Variants in TAF4B observed in about 807,000 individuals in gnomAD.
TAF4B encodes the protein transcription initiation factor TFIID subunit 4B.
In TAF4B, 38 loss-of-function variants were observed where a neutral mutation model predicts 86.4. That is an observed-to-expected ratio of 0.44 (90% confidence interval 0.34 to 0.58). The LOEUF is 0.58. TAF4B is among the 20% of genes least tolerant of loss of function. The probability of loss-of-function intolerance (pLI) is 0.02; values close to 1 mark genes in which losing one functional copy is unlikely to be tolerated. For synonymous variants in TAF4B, 388 were observed against 391.2 expected (o/e 0.99, Z 0.10); for missense variants, 988 against 1,027.6 (o/e 0.96, Z 0.53).
At chr18:26,235,369 T>G (rs1439829142) in intron 1 of TAF4B, among the ~76,000 whole-genome samples, 1 of 152,184 alleles carries the variant, frequency 6.6e-6, no homozygotes, top group Admixed American at 6.5e-5. Flanking sequence ...TTGTATTTGT[T>G]CCTTGCTGAG....
intron 1 of TAF4B, among the ~76,000 whole-genome samples, chr18:26,244,487 G>A (rs559670713): frequency 6.6e-6 from 1 of 152,278 alleles, no homozygotes; most frequent in East Asian, 1.9e-4. Flanking sequence ...GGCTTCCCTT[G>A]GCTAGTAAAG....
At position 26,327,277 on chromosome 18, in the gene TAF4B, G is replaced by C. The variant is rs1050828118; in HGVS notation, c.2259+137G>C. On this transcript the variant is annotated intron_variant, in intron 12 of 14. Transcript: ENST00000269142. Reference sequence around the variant, plus strand: ...ATTTCCTAAAACGAAATTACTAATAGGATGTCTCACAGCCAGGATGGTGTG... The same window carrying C: ...ATTTCCTAAAACGAAATTACTAATACGATGTCTCACAGCCAGGATGGTGTG... 32 of 1,065,928 alleles carry C rather than the reference G, an allele frequency of 3.0e-5. No homozygotes were observed. In the Admixed American group the frequency reaches 6.9e-4, roughly 23 times the overall value. The allele number at this position is 1,065,928 out of a possible 1,614,324, so 66.0% of individuals were successfully genotyped here. A position where few individuals can be genotyped will look rare whatever the true frequency, so the allele number is the denominator to read the frequency against.
At chr18:26,315,796 T>A (rs2056905115) in intron 10 of TAF4B, among the ~76,000 whole-genome samples, 1 of 152,212 alleles carries the variant, frequency 6.6e-6, no homozygotes, top group South Asian at 2.1e-4. Context: ...CCCTTTCCCT[T>A]TTCTTAACCT....
chr18:26,239,251 G>A (rs1386292733), intron 1 of TAF4B, among the ~76,000 whole-genome samples: 8 of 152,134 alleles, frequency 5.3e-5, no homozygotes, highest in African/African-American at 1.9e-4. Flanking sequence ...TCCAGCACCT[G>A]TTGTTTCCTG....
At chr18:26,325,018 TC>T (rs887269222) in intron 11 of TAF4B, among the ~76,000 whole-genome samples, 21 of 152,278 alleles carry the variant, frequency 1.4e-4, no homozygotes, top group African/African-American at 4.8e-4. Flanking sequence ...AAAAGTGAAA[TC>T]CCCCCATCTC....
At chr18:26,368,866 C>T (rs1598834738) in intron 14 of TAF4B, among the ~76,000 whole-genome samples, 1 of 152,218 alleles carries the variant, frequency 6.6e-6, no homozygotes, top group Admixed American at 6.5e-5. Flanking sequence ...TCTTTATGGA[C>T]TTACTATGAA....
At chr18:26,385,655 C>T (rs1978327960) in intron 14 of TAF4B, among the ~76,000 whole-genome samples, 1 of 148,524 alleles carries the variant, frequency 6.7e-6, no homozygotes, top group South Asian at 2.2e-4. Context: ...GAACAGTACA[C>T]TAACAGTGAG....
intron 13 of TAF4B, among the ~76,000 whole-genome samples, chr18:26,335,946 A>G (rs542005190): frequency 2.4e-4 from 36 of 152,272 alleles, no homozygotes; most frequent in African/African-American, 8.7e-4. Flanking sequence ...TTGAGCCTTA[A>G]TATTGGATCT....
chr18:26,313,434 C>T (rs1215322037), intron 9 of TAF4B, among the ~76,000 whole-genome samples: 1 of 152,140 alleles, frequency 6.6e-6, no homozygotes, highest in Non-Finnish European at 1.5e-5. Flanking sequence ...ATATAGGTGG[C>T]AGAGTGATTC....
intron 1 of TAF4B, among the ~76,000 whole-genome samples, chr18:26,233,238 T>G (rs2055699247): frequency 6.6e-6 from 1 of 152,152 alleles, no homozygotes. Context: ...GCAAACTGAG[T>G]GGCTCTCTGT....
At chr18:26,310,840 T>G (rs1299989862) in intron 9 of TAF4B, among the ~76,000 whole-genome samples, 1 of 152,226 alleles carries the variant, frequency 6.6e-6, no homozygotes, top group East Asian at 1.9e-4. Context: ...ATAGTATTTT[T>G]TTTTTCTTGG....
At chr18:26,328,243 G>T (rs1019904908) in intron 12 of TAF4B, among the ~76,000 whole-genome samples, 2 of 152,150 alleles carry the variant, frequency 1.3e-5, no homozygotes, top group Non-Finnish European at 2.9e-5. Context: ...GAGGTCAGGA[G>T]ATCGAGACTA....
At chr18:26,342,944 C>T (rs943175753) in intron 13 of TAF4B, among the ~76,000 whole-genome samples, 1 of 152,192 alleles carries the variant, frequency 6.6e-6, no homozygotes, top group Non-Finnish European at 1.5e-5. Context: ...AACCAATTGT[C>T]AGAATTCTGG....
At chr18:26,290,636 C>G (rs1343184564) in intron 7 of TAF4B, among the ~76,000 whole-genome samples, 2 of 152,146 alleles carry the variant, frequency 1.3e-5, no homozygotes, top group Non-Finnish European at 2.9e-5. Flanking sequence ...AGCATGAGAA[C>G]CCCCTCTTAG....
intron 14 of TAF4B, among the ~76,000 whole-genome samples, chr18:26,363,952 T>A (rs1189691022): frequency 6.6e-6 from 1 of 152,166 alleles, no homozygotes; most frequent in Non-Finnish European, 1.5e-5. Context: ...TGGTAGTTTT[T>A]AAAAAAATGT....
intron 14 of TAF4B, among the ~76,000 whole-genome samples, chr18:26,388,075 A>G (rs183540892): frequency 2.0e-4 from 31 of 152,330 alleles, no homozygotes; most frequent in East Asian, 1.3e-3. Context: ...TTCCTATGTT[A>G]TCTTTCCTTA....
At chr18:26,252,999 A>G (rs919758921) in intron 1 of TAF4B, among the ~76,000 whole-genome samples, 2 of 152,102 alleles carry the variant, frequency 1.3e-5, no homozygotes, top group Non-Finnish European at 1.5e-5. Flanking sequence ...AGATCATGCC[A>G]TCTGTAAATA....
At chr18:26,261,604 C>T (rs150444055) in intron 1 of TAF4B, among the ~76,000 whole-genome samples, 1 of 152,212 alleles carries the variant, frequency 6.6e-6, no homozygotes, top group Admixed American at 6.5e-5. Context: ...TCATTGCCAG[C>T]TGATTGCCCT....
chr18:26,337,570 G>A (rs535495414), intron 13 of TAF4B, among the ~76,000 whole-genome samples: 7 of 151,730 alleles, frequency 4.6e-5, no homozygotes, highest in Middle Eastern at 3.4e-3. Flanking sequence ...TTACAGGCGC[G>A]TACCACCGCA....
Sources: allele counts gnomAD v4.1 joint callset (sites outside exome capture counted in the v4.1 genomes callset), GRCh38; gene constraint gnomAD v4.1.1; transcripts MANE v1.5; gene names NCBI Gene and HGNC (gene_info 2026-07-23, HGNC 2026-07-21).